The following NRG1 variants were observed in gnomAD, a reference collection of about 807,000 sequenced individuals.
The protein encoded by NRG1 is pro-neuregulin-1, membrane-bound isoform.
Under a neutral mutation model 63.8 loss-of-function variants are expected in NRG1, and 18 were observed. The observed-to-expected ratio is 0.28, with a 90% confidence interval of 0.19 to 0.42. NRG1 has a LOEUF of 0.42. NRG1 is among the 10% of genes least tolerant of loss of function. The probability of loss-of-function intolerance (pLI) is 1.00; values close to 1 mark genes in which losing one functional copy is unlikely to be tolerated. For missense variants in NRG1, 762 were observed against 814.7 expected, an observed-to-expected ratio of 0.94 and a Z score of 0.79; for synonymous variants, 302 against 301.3, an observed-to-expected ratio of 1.00 and a Z score of -0.02.
At chr8:31,762,472 T>A (rs1817657162) in intron 1 of NRG1, among the ~76,000 whole-genome samples, 1 of 152,206 alleles carries the variant, frequency 6.6e-6, no homozygotes, top group South Asian at 2.1e-4. Context: ...TGGTTCCATG[T>A]CTTTGCTATT....
intron 1 of NRG1, among the ~76,000 whole-genome samples, chr8:32,422,290 T>G (rs1267819170): frequency 6.6e-6 from 1 of 152,198 alleles, no homozygotes; most frequent in Non-Finnish European, 1.5e-5. Context: ...ATATTAAACA[T>G]ATTAGTTTAT....
chr8:32,411,194 T>A (rs1180904684), intron 1 of NRG1, among the ~76,000 whole-genome samples: 1 of 152,054 alleles, frequency 6.6e-6, no homozygotes, highest in African/African-American at 2.4e-5. Flanking sequence ...TTTTATCAGA[T>A]GAGGAACTAG....
intron 1 of NRG1, among the ~76,000 whole-genome samples, chr8:32,271,647 A>T (rs963153148): frequency 2.6e-5 from 4 of 152,136 alleles, no homozygotes; most frequent in Admixed American, 6.6e-5. Flanking sequence ...CACACCAAAG[A>T]CACACAGGTG....
intron 1 of NRG1, among the ~76,000 whole-genome samples, chr8:32,368,935 C>T (rs528091009): frequency 1.2e-4 from 18 of 152,334 alleles, no homozygotes; most frequent in Non-Finnish European, 1.9e-4. Context: ...CTTTCTTTCT[C>T]TTCTCTATAC....
chr8:31,834,762 A>C (rs1825539396), intron 1 of NRG1, among the ~76,000 whole-genome samples: 1 of 152,216 alleles, frequency 6.6e-6, no homozygotes, highest in Non-Finnish European at 1.5e-5. Context: ...CATTATACAC[A>C]TATAAATTAG....
At chr8:32,470,735 C>T (rs1046903118) in intron 1 of NRG1, among the ~76,000 whole-genome samples, 29 of 152,096 alleles carry the variant, frequency 1.9e-4, no homozygotes, top group Admixed American at 1.5e-3. Context: ...CTCAACTCTT[C>T]ATTATGTTTT....
At chr8:31,681,660 C>T (rs1029537450) in intron 1 of NRG1, among the ~76,000 whole-genome samples, 15 of 150,158 alleles carry the variant, frequency 1.0e-4, no homozygotes, top group African/African-American at 3.4e-4. Flanking sequence ...AATGTATAGA[C>T]TCTGGAGAGC....
chr8:32,040,087 G>A (rs1819703981), intron 1 of NRG1, among the ~76,000 whole-genome samples: 1 of 152,088 alleles, frequency 6.6e-6, no homozygotes, highest in Non-Finnish European at 1.5e-5. Context: ...CTTTATTCCA[G>A]TGCTTACCAC....
intron 5 of NRG1, among the ~76,000 whole-genome samples, chr8:32,650,655 C>CAAAAA (rs59103241): frequency 8.6e-5 from 5 of 57,818 alleles, no homozygotes; most frequent in South Asian, 9.5e-4. Flanking sequence ...TAATGGAAAG[C>CAAAAA]AAAAAAAAAA....
intron 1 of NRG1, among the ~76,000 whole-genome samples, chr8:31,830,315 T>A (rs1369416633): frequency 1.4e-4 from 9 of 66,338 alleles, no homozygotes; most frequent in African/African-American, 6.0e-4. Flanking sequence ...CCTTCCTTCC[T>A]TCCTTCCTTC....
chr8:32,345,038 A>G (rs1804705474), intron 1 of NRG1, among the ~76,000 whole-genome samples: 2 of 152,090 alleles, frequency 1.3e-5, no homozygotes, highest in Admixed American at 1.3e-4. Flanking sequence ...CATTGACCAG[A>G]CCTGAGATTT....
At chr8:31,911,091 C>T (rs1033391846) in intron 1 of NRG1, among the ~76,000 whole-genome samples, 7 of 152,126 alleles carry the variant, frequency 4.6e-5, no homozygotes, top group African/African-American at 7.2e-5. Flanking sequence ...AGCACGTGAG[C>T]CCCAGCTGTG....
At chr8:32,673,437 A>G (rs1806229203) in intron 5 of NRG1, among the ~76,000 whole-genome samples, 1 of 152,230 alleles carries the variant, frequency 6.6e-6, no homozygotes, top group Admixed American at 6.5e-5. Flanking sequence ...TGTGTAATAA[A>G]TGACAGTCAT....
At chr8:32,135,431 T>C (rs1319804993) in intron 1 of NRG1, among the ~76,000 whole-genome samples, 1 of 152,022 alleles carries the variant, frequency 6.6e-6, no homozygotes, top group Non-Finnish European at 1.5e-5. Context: ...GTAGTGAAGA[T>C]GCATAGGAGT....
chr8:32,609,954 A>G (rs990662673), intron 3 of NRG1, among the ~76,000 whole-genome samples: 5 of 151,790 alleles, frequency 3.3e-5, no homozygotes, highest in African/African-American at 1.2e-4. Flanking sequence ...TACAGGTGTG[A>G]ACCATCACAC....
intron 1 of NRG1, among the ~76,000 whole-genome samples, chr8:32,196,173 T>C (rs1309516367): frequency 6.6e-6 from 1 of 150,402 alleles, no homozygotes; most frequent in Non-Finnish European, 1.5e-5. Context: ...AGTTGATCTG[T>C]ACACATACTT....
chr8:32,359,392 TC>T (rs1359362341), intron 1 of NRG1, among the ~76,000 whole-genome samples: 1 of 152,140 alleles, frequency 6.6e-6, no homozygotes, highest in African/African-American at 2.4e-5. Context: ...AATTTTTATA[TC>T]CCCATGCATT....
intron 1 of NRG1, among the ~76,000 whole-genome samples, chr8:31,870,872 A>T (rs921450797): frequency 6.6e-6 from 1 of 152,192 alleles, no homozygotes; most frequent in African/African-American, 2.4e-5. Context: ...AACTAGCAGG[A>T]TTTCAAAATC....
At chr8:31,951,792 A>G (rs1030447558) in intron 1 of NRG1, among the ~76,000 whole-genome samples, 24 of 152,322 alleles carry the variant, frequency 1.6e-4, no homozygotes, top group African/African-American at 5.8e-4. Context: ...AGTAGAATAT[A>G]CTAGATTGAA....
Sources: gnomAD v4.1 joint callset for allele counts (sites outside exome capture counted in the v4.1 genomes callset) on GRCh38, gnomAD v4.1.1 for gene constraint, MANE v1.5 for transcripts, NCBI Gene and HGNC (gene_info 2026-07-23, HGNC 2026-07-21) for gene names.